PLXNA4: variants seen among roughly 807,000 people sequenced by gnomAD.
The protein encoded by PLXNA4 is plexin-A4.
Under a neutral mutation model 191.8 loss-of-function variants are expected in PLXNA4, and 44 were observed. The ratio of observed to expected loss-of-function variants is 0.23; its 90% CI spans 0.18 to 0.29. The LOEUF (loss-of-function observed/expected upper bound fraction) is 0.29, where lower values mean the gene tolerates loss of function less well. Ranked by LOEUF, PLXNA4 falls within the 10% of genes least tolerant of loss-of-function variation. The pLI is 1.00. For synonymous variants in PLXNA4, 1,082 were observed against 1,009.5 expected (o/e 1.07, Z -1.36); for missense variants, 1,800 against 2,488.8 (o/e 0.72, Z 5.89).
chr7:132,586,173 T>C (rs1407333137), intron 2 of PLXNA4, among the ~76,000 whole-genome samples: 3 of 152,192 alleles, frequency 2.0e-5, no homozygotes, highest in Admixed American at 1.3e-4. Context: ...ACGGTTTTCT[T>C]AGGGTATATG....
At chr7:132,416,437 A>G (rs925909473) in intron 3 of PLXNA4, among the ~76,000 whole-genome samples, 1 of 152,218 alleles carries the variant, frequency 6.6e-6, no homozygotes, top group Non-Finnish European at 1.5e-5. Flanking sequence ...GGGGAGGCCA[A>G]TGGCCCAGGT....
intron 1 of PLXNA4, among the ~76,000 whole-genome samples, chr7:132,524,271 A>T (rs1799311765): frequency 6.6e-6 from 1 of 152,086 alleles, no homozygotes; most frequent in Non-Finnish European, 1.5e-5. Context: ...TTTGATGCTT[A>T]TTTTTTTGTG....
chr7:132,604,861 G>A (rs541832249), intron 2 of PLXNA4, among the ~76,000 whole-genome samples: 55 of 152,162 alleles, frequency 3.6e-4, no homozygotes, highest in Middle Eastern at 3.4e-3. Context: ...CGCTTGCACC[G>A]GACTCTGACC....
chr7:132,511,287 A>G (rs1379314195), intron 1 of PLXNA4, among the ~76,000 whole-genome samples: 1 of 152,202 alleles, frequency 6.6e-6, no homozygotes, highest in Non-Finnish European at 1.5e-5. Flanking sequence ...GAATTGTCTT[A>G]TTCCTATTTC....
intron 2 of PLXNA4, among the ~76,000 whole-genome samples, chr7:132,504,224 T>TCC (rs1798368233): frequency 6.6e-6 from 1 of 152,234 alleles, no homozygotes; most frequent in African/African-American, 2.4e-5. Context: ...CCAAGACTTT[T>TCC]CCCTCTGTGC....
At chr7:132,253,895 C>T (rs189932431) in intron 4 of PLXNA4, among the ~76,000 whole-genome samples, 4 of 152,334 alleles carry the variant, frequency 2.6e-5, no homozygotes, top group Admixed American at 6.5e-5. Flanking sequence ...GACGCTATCA[C>T]GCACTATGTG....
chr7:132,336,445 A>T lies in PLXNA4; in HGVS notation c.1372-38223T>A, dbSNP rs540255864. ...AGAAATTATGGGTACTATTATGTGC[A>T]TCCATAACCTCTTCCTACTTGGTAC... On this transcript the variant is annotated intron_variant, in intron 3 of 31. Transcript: ENST00000321063. Among the ~76,000 whole-genome samples, 67 of 152,200 alleles carry T rather than the reference A, an allele frequency of 4.4e-4. 1 individual carries two copies. The highest frequency in any genetic ancestry group is 7.9e-4 in the Non-Finnish European group (54 of 68,044).
At position 132,211,093 on chromosome 7, in the gene PLXNA4, C is replaced by T. The variant is rs748740116; in HGVS notation, c.2148G>A (p.Val716=). ...TGGCCTTCAGCGTGATAGGCTTGATCACCTCCACGGGCACCAGGATCTTGT... is the reference window on the plus strand; with the variant it reads ...TGGCCTTCAGCGTGATAGGCTTGATTACCTCCACGGGCACCAGGATCTTGT... ...RVDKILVPVE[V]IKPITLKAKN... Residue 716 remains valine (V), a synonymous_variant, in exon 10 of 32, where the codon GTG becomes GTA. Transcript: ENST00000321063. 8 of 1,589,346 alleles carry T rather than the reference C, an allele frequency of 5.0e-6. No individual in the cohort carries two copies. The East Asian group carries it at 1.6e-4, about 32-fold the overall frequency.
chr7:132,176,818 G>T (rs1796482191), intron 20 of PLXNA4, among the ~76,000 whole-genome samples: 1 of 152,004 alleles, frequency 6.6e-6, no homozygotes, highest in African/African-American at 2.4e-5. Flanking sequence ...ATGTGTGTTG[G>T]TGTGTATGCA....
At chr7:132,602,795 GAGA>G (rs1156486684) in intron 2 of PLXNA4, among the ~76,000 whole-genome samples, 1 of 152,174 alleles carries the variant, frequency 6.6e-6, no homozygotes, top group Non-Finnish European at 1.5e-5. Flanking sequence ...CAGACATGGT[GAGA>G]AGGTCGTCAG....
chr7:132,380,255 A>T (rs1804837075), intron 3 of PLXNA4, among the ~76,000 whole-genome samples: 1 of 152,182 alleles, frequency 6.6e-6, no homozygotes, highest in Non-Finnish European at 1.5e-5. Context: ...CAGCCTGTGG[A>T]ATTTGCAGCA....
intron 2 of PLXNA4, among the ~76,000 whole-genome samples, chr7:132,607,225 A>C (rs1047356159): frequency 1.3e-5 from 2 of 152,222 alleles, no homozygotes; most frequent in African/African-American, 4.8e-5. Flanking sequence ...ACATACACCC[A>C]AGAGACATGC....
At chr7:132,209,695 T>C (rs1298588559) in intron 10 of PLXNA4, among the ~76,000 whole-genome samples, 2 of 152,144 alleles carry the variant, frequency 1.3e-5, no homozygotes, top group Middle Eastern at 3.2e-3. Flanking sequence ...CTGGACTACT[T>C]CCTGCAGGAA....
chr7:132,464,752 C>T (rs927087496), intron 3 of PLXNA4, among the ~76,000 whole-genome samples: 2 of 152,192 alleles, frequency 1.3e-5, no homozygotes, highest in Admixed American at 1.3e-4. Context: ...TAGTCCCTCC[C>T]CTCAGCAGGA....
intron 3 of PLXNA4, among the ~76,000 whole-genome samples, chr7:132,423,820 C>T (rs898038976): frequency 1.3e-5 from 2 of 152,136 alleles, no homozygotes; most frequent in African/African-American, 2.4e-5. Flanking sequence ...TTTGTGTCTT[C>T]GTAATTGCGT....
At chr7:132,631,961 A>G (rs1239414197) in intron 2 of PLXNA4, among the ~76,000 whole-genome samples, 1 of 152,188 alleles carries the variant, frequency 6.6e-6, no homozygotes, top group Non-Finnish European at 1.5e-5. Flanking sequence ...AAGATCGGGC[A>G]TAGTGGCTCA....
At chr7:132,235,754 G>A (rs1798678244) in intron 5 of PLXNA4, among the ~76,000 whole-genome samples, 1 of 152,170 alleles carries the variant, frequency 6.6e-6, no homozygotes, top group Admixed American at 6.5e-5. Flanking sequence ...GCCTGGGCAC[G>A]AAGCCATGGG....
chr7:132,528,420 G>T (rs79413887), intron 1 of PLXNA4, among the ~76,000 whole-genome samples: 1 of 152,114 alleles, frequency 6.6e-6, no homozygotes, highest in Non-Finnish European at 1.5e-5. Flanking sequence ...ACACATGGCC[G>T]CACCCCAGAA....
chr7:132,238,046 A>G (rs567132122), intron 5 of PLXNA4, among the ~76,000 whole-genome samples: 1 of 152,144 alleles, frequency 6.6e-6, no homozygotes, highest in Non-Finnish European at 1.5e-5. Flanking sequence ...GCCGCTTAAA[A>G]TAGTCCCCGA....
Sources: allele counts gnomAD v4.1 joint callset (sites outside exome capture counted in the v4.1 genomes callset), GRCh38; gene constraint gnomAD v4.1.1; transcripts MANE v1.5; gene names NCBI Gene and HGNC (gene_info 2026-07-23, HGNC 2026-07-21).